Variants in PON3 observed in about 807,000 individuals in gnomAD.
PON3 encodes paraoxonase 3, also known as serum paraoxonase/lactonase 3.
In PON3, 37 loss-of-function variants were observed where a neutral mutation model predicts 36.3. The ratio of observed to expected loss-of-function variants is 1.02; its 90% CI spans 0.78 to 1.34. The LOEUF is 1.34. PON3 is among the 40% of genes most tolerant of loss of function. PON3 has a pLI of 0.00. For synonymous variants in PON3, 155 were observed against 154.8 expected, an observed-to-expected ratio of 1.00 and a Z score of -0.01; for missense variants, 415 against 426.5, an observed-to-expected ratio of 0.97 and a Z score of 0.24.
intron 1 of PON3, among the ~76,000 whole-genome samples, chr7:95,395,492 C>T (rs1809409168): frequency 6.6e-6 from 1 of 152,158 alleles, no homozygotes; most frequent in Non-Finnish European, 1.5e-5. Context: ...ATAAAACTCT[C>T]AAACTGGAAG....
intron 3 of PON3, among the ~76,000 whole-genome samples, chr7:95,382,407 TC>T (rs1301479526): frequency 2.6e-5 from 4 of 151,944 alleles, no homozygotes; most frequent in Admixed American, 6.6e-5. Flanking sequence ...AATCAATGAA[TC>T]CAGGAGCTGG....
At chr7:95,380,946 C>T (rs1181095705) in intron 3 of PON3, among the ~76,000 whole-genome samples, 1 of 152,110 alleles carries the variant, frequency 6.6e-6, no homozygotes. Flanking sequence ...TAAGGGCAGC[C>T]AGAGAGAAAG....
intron 3 of PON3, among the ~76,000 whole-genome samples, chr7:95,384,877 C>A (rs1809152318): frequency 6.6e-6 from 1 of 152,146 alleles, no homozygotes; most frequent in Non-Finnish European, 1.5e-5. Context: ...GAATATAAAT[C>A]CTGCTGCTAT....
chr7:95,375,211 A>G (rs1444883376), intron 3 of PON3, among the ~76,000 whole-genome samples: 1 of 151,714 alleles, frequency 6.6e-6, no homozygotes, highest in Non-Finnish European at 1.5e-5. Flanking sequence ...CTCAGATAAT[A>G]GTAGTACTGA....
intron 3 of PON3, among the ~76,000 whole-genome samples, chr7:95,379,078 C>CAA (rs34582490): frequency 1.5e-3 from 215 of 146,232 alleles, no homozygotes; most frequent in South Asian, 0.011. Flanking sequence ...AAATAAAAAG[C>CAA]AAAAAAAAAA....
chr7:95,366,364 C>T (rs1808693447), intron 5 of PON3, among the ~76,000 whole-genome samples: 1 of 152,190 alleles, frequency 6.6e-6, no homozygotes, highest in Admixed American at 6.5e-5. Context: ...CCTCAGAACC[C>T]CATACGGTGC....
intron 3 of PON3, among the ~76,000 whole-genome samples, chr7:95,387,997 G>A (rs558190737): frequency 1.3e-5 from 2 of 152,110 alleles, no homozygotes; most frequent in African/African-American, 4.8e-5. Flanking sequence ...ATGGATTAAA[G>A]ACTTAAATGT....
In PON3 at chr7:95,372,179, C is replaced by T. The variant is rs376455115; in HGVS notation, c.361G>A (p.Asp121Asn). 2.5e-5 allele frequency: 40 copies of T among 1,613,120 alleles called. No homozygotes were observed. The highest frequency in any genetic ancestry group is 1.7e-4 in the Admixed American group (10 of 59,970). ...FNPHGISIFIDKDNTVYLYVV... is the reference protein window; with the variant it reads ...FNPHGISIFINKDNTVYLYVV... Reference sequence around the variant, plus strand: ...CTAAACATACAGGTTTTACCTTTGTCGATGAAAATACTGATCCCATGTGGA... The same window carrying T: ...CTAAACATACAGGTTTTACCTTTGTTGATGAAAATACTGATCCCATGTGGA... Residue 121 changes from aspartate (D) to asparagine (N), a missense_variant, in exon 4 of 9, where the codon GAC (aspartate) becomes AAC (asparagine). Coordinates refer to ENST00000265627, the MANE Select transcript of PON3 (RefSeq NM_000940.3).
At chr7:95,373,141 C>T (rs1306587953) in intron 3 of PON3, among the ~76,000 whole-genome samples, 1 of 152,176 alleles carries the variant, frequency 6.6e-6, no homozygotes, top group Non-Finnish European at 1.5e-5. Context: ...CTATCTATCA[C>T]TGGATATATA....
Position 95,367,474 on chromosome 7 carries a change from G to C in PON3, c.382C>G (p.Leu128Val), listed in dbSNP as rs766263586. Residue 128 changes from leucine (L) to valine (V), a missense_variant, in exon 5 of 9, where the codon CTT becomes GTT. Transcript: ENST00000265627. ...IFIDKDNTVYLYVVNHPHMKS... is the reference protein window; with the variant it reads ...IFIDKDNTVYVYVVNHPHMKS... ...ATGTGGGGATGATTCACAACATAAA[G>C]ATACACAGTATTGTCTACATGGAAA... The C allele has an allele frequency of 6.2e-7, 1 of 1,613,070 alleles. No individual in the cohort carries two copies. The highest frequency in any genetic ancestry group is 1.7e-5 in the Admixed American group (1 of 59,990).
At chr7:95,379,686 A>G (rs1052799049) in intron 3 of PON3, among the ~76,000 whole-genome samples, 2 of 152,230 alleles carry the variant, frequency 1.3e-5, no homozygotes, top group African/African-American at 4.8e-5. Flanking sequence ...AGGCTTGAGT[A>G]GGTAAACAAA....
Position 95,367,416 on chromosome 7 carries a change from TC to T in PON3, c.439del (p.Glu147AsnfsTer9). The T allele has an allele frequency of 6.2e-7, 1 of 1,613,126 alleles. No individual in the cohort carries two copies. The highest frequency in any genetic ancestry group is 8.5e-7 in the Non-Finnish European group (1 of 1,179,314). The part of the protein sequence containing the change: ...KSTVEIFKFE[E>X]QQRSLVYLKT... ...CAGGTATACCAGAGAACGTTGTTGT[TC>T]CTCAAATTTAAATATCTCCACAGTG... On this transcript the variant is annotated frameshift_variant, in exon 5 of 9. Transcript: ENST00000265627. LOFTEE classifies it high-confidence loss of function.
intron 1 of PON3, 22 bp downstream of exon 1, chr7:95,396,255 G>T: frequency 5.6e-6 from 9 of 1,612,180 alleles, no homozygotes; most frequent in Non-Finnish European, 7.6e-6. Flanking sequence ...AGTCGAAGAC[G>T]CCCTGTCAAG....
intron 1 of PON3, 148 bp from the exon 2 acceptor site, chr7:95,394,862 T>C (rs1289357210): frequency 1.1e-5 from 8 of 710,036 alleles, no homozygotes; most frequent in East Asian, 2.8e-5. Context: ...CTTCCTTTCA[T>C]GTTTATTTAC....
intron 3 of PON3, among the ~76,000 whole-genome samples, chr7:95,379,627 G>A (rs562388138): frequency 6.9e-4 from 105 of 152,300 alleles, no homozygotes; most frequent in Middle Eastern, 3.4e-3. Context: ...GTTTGAGATC[G>A]AACTGCAAGG....
At chr7:95,371,575 C>T (rs930459326) in intron 4 of PON3, among the ~76,000 whole-genome samples, 2 of 152,142 alleles carry the variant, frequency 1.3e-5, no homozygotes, top group African/African-American at 4.8e-5. Context: ...CATGTGCTTA[C>T]AGGCCTTTGT....
Position 95,362,465 on chromosome 7 carries a change from T to C in PON3, c.803A>G (p.Asp268Gly). 1 of 1,613,746 alleles carries C rather than the reference T, an allele frequency of 6.2e-7. No individual in the cohort carries two copies. Among genetic ancestry groups the C allele is most frequent in the Non-Finnish European group, 8.5e-7 (1 of 1,179,774 alleles). Residue 268 changes from aspartate (D) to glycine (G), a missense_variant, in exon 8 of 9, where the codon GAT (aspartate) becomes GGT (glycine). Transcript: ENST00000265627. Reference sequence around the variant, plus strand: ...TGTGGCAGGATCGACAGTCAGGTTATCCACTAAGGTGCCCAACTGTATCAC... The same window carrying C: ...TGTGGCAGGATCGACAGTCAGGTTACCCACTAAGGTGCCCAACTGTATCAC... ...LKVIQLGTLV[D>G]NLTVDPATGD...
At chr7:95,364,239 G>T in intron 5 of PON3, 176 bp from the exon 6 acceptor site, 1 of 615,308 alleles carries the variant, frequency 1.6e-6, no homozygotes, top group South Asian at 2.0e-5. Flanking sequence ...TTGCCCTGAT[G>T]GGTTTTCTTT....
At chr7:95,363,686 C>T in intron 6 of PON3, 177 bp downstream of exon 6, 2 of 688,486 alleles carry the variant, frequency 2.9e-6, no homozygotes. Context: ...ACCTAAAGTC[C>T]AAGGAAACAA....
Sources: allele counts gnomAD v4.1 joint callset (sites outside exome capture counted in the v4.1 genomes callset), GRCh38; gene constraint gnomAD v4.1.1; transcripts MANE v1.5; gene names NCBI Gene and HGNC (gene_info 2026-07-23, HGNC 2026-07-21).